The following CCSER1 variants were observed in gnomAD, a reference collection of about 807,000 sequenced individuals.
CCSER1 encodes serine-rich coiled-coil domain-containing protein 1.
Under a neutral mutation model 82.0 loss-of-function variants are expected in CCSER1, and 41 were observed. That is an observed-to-expected ratio of 0.50 (90% CI 0.39 to 0.65). The LOEUF is 0.65. Ranked by LOEUF, CCSER1 falls within the 30% of genes least tolerant of loss-of-function variation. The probability of loss-of-function intolerance (pLI) is 0.00; values close to 1 mark genes in which losing one functional copy is unlikely to be tolerated. For synonymous variants in CCSER1, 414 were observed against 383.9 expected (o/e 1.08, Z -0.92); for missense variants, 1,119 against 1,064.2 (o/e 1.05, Z -0.72).
chr4:90,354,385 G>A (rs1336149702), intron 3 of CCSER1, among the ~76,000 whole-genome samples: 3 of 152,052 alleles, frequency 2.0e-5, no homozygotes, highest in Non-Finnish European at 4.4e-5. Context: ...AACATGAGAT[G>A]AATATGTTCC....
intron 10 of CCSER1, among the ~76,000 whole-genome samples, chr4:91,103,141 A>G (rs1452279238): frequency 1.3e-5 from 2 of 152,174 alleles, no homozygotes; most frequent in African/African-American, 4.8e-5. Context: ...CAGCTTGGAA[A>G]TAGATCTCCA....
intron 10 of CCSER1, among the ~76,000 whole-genome samples, chr4:91,386,373 AGT>A (rs1417010006): frequency 6.6e-6 from 1 of 152,090 alleles, no homozygotes; most frequent in African/African-American, 2.4e-5. Context: ...AGAATTCATG[AGT>A]CTATATTAGT....
At chr4:91,325,080 T>G in intron 10 of CCSER1, 1 of 434,980 alleles carries the variant, frequency 2.3e-6, no homozygotes, top group South Asian at 1.6e-5. Flanking sequence ...GGGCCCTAAA[T>G]AGCTTGGGGC....
chr4:91,111,292 T>C (rs1337211270), intron 10 of CCSER1, among the ~76,000 whole-genome samples: 1 of 152,002 alleles, frequency 6.6e-6, no homozygotes, highest in Non-Finnish European at 1.5e-5. Context: ...CCCTTTTGAA[T>C]AAATAAGGCT....
chr4:90,166,866 T>C (rs1442668252), intron 1 of CCSER1, among the ~76,000 whole-genome samples: 1 of 152,030 alleles, frequency 6.6e-6, no homozygotes, highest in Non-Finnish European at 1.5e-5. Flanking sequence ...AATTTACCAG[T>C]ATTTAAATAA....
intron 9 of CCSER1, among the ~76,000 whole-genome samples, chr4:90,999,878 GGTTTT>G: frequency 2.2e-5 from 1 of 46,388 alleles, no homozygotes; most frequent in Non-Finnish European, 4.0e-5. Flanking sequence ...GTGTTTCTGA[GGTTTT>G]TTTTTTTTTT....
chr4:90,396,720 C>T (rs747560432), intron 3 of CCSER1, among the ~76,000 whole-genome samples: 8 of 151,994 alleles, frequency 5.3e-5, no homozygotes, highest in African/African-American at 1.9e-4. Context: ...TGAAAACAGC[C>T]ACTAATTTTT....
At chr4:91,277,859 A>G (rs905456803) in intron 10 of CCSER1, among the ~76,000 whole-genome samples, 3 of 151,808 alleles carry the variant, frequency 2.0e-5, no homozygotes, top group Non-Finnish European at 4.4e-5. Flanking sequence ...GCTGTATTCC[A>G]TAGGTTTTGA....
At chr4:91,594,401 A>C (rs950163758) in intron 10 of CCSER1, among the ~76,000 whole-genome samples, 1 of 141,334 alleles carries the variant, frequency 7.1e-6, no homozygotes, top group African/African-American at 2.6e-5. Context: ...ACATATATAC[A>C]CATATATACA....
At chr4:91,561,062 A>G (rs1762630107) in intron 10 of CCSER1, among the ~76,000 whole-genome samples, 1 of 151,370 alleles carries the variant, frequency 6.6e-6, no homozygotes, top group African/African-American at 2.4e-5. Flanking sequence ...TAAAATTCCA[A>G]GTCATCTCTC....
chr4:91,184,957 C>T (rs866966548), intron 10 of CCSER1, among the ~76,000 whole-genome samples: 2 of 152,190 alleles, frequency 1.3e-5, no homozygotes, highest in Non-Finnish European at 2.9e-5. Context: ...GGTTGTCCAT[C>T]GGGCCCTTCA....
intron 8 of CCSER1, among the ~76,000 whole-genome samples, chr4:90,854,463 T>A (rs1475250191): frequency 6.6e-6 from 1 of 152,164 alleles, no homozygotes; most frequent in Non-Finnish European, 1.5e-5. Flanking sequence ...CCTAAAGTCA[T>A]TTTTTGCATT....
At chr4:91,115,806 CTTTT>C (rs527629667) in intron 10 of CCSER1, among the ~76,000 whole-genome samples, 4 of 101,560 alleles carry the variant, frequency 3.9e-5, no homozygotes, top group Non-Finnish European at 7.6e-5. Context: ...CTAGCTTTTT[CTTTT>C]TTTTTTTTTT....
At chr4:91,419,967 T>C (rs1046174319) in intron 10 of CCSER1, among the ~76,000 whole-genome samples, 1 of 152,018 alleles carries the variant, frequency 6.6e-6, no homozygotes, top group Non-Finnish European at 1.5e-5. Context: ...GTTTCTTCAA[T>C]AACTAATCTT....
intron 3 of CCSER1, among the ~76,000 whole-genome samples, chr4:90,397,373 T>C (rs763260546): frequency 6.6e-6 from 1 of 152,204 alleles, no homozygotes; most frequent in Non-Finnish European, 1.5e-5. Flanking sequence ...AATATTTCCC[T>C]GTTCAAAAAA....
chr4:91,099,140 T>C (rs1724808775), intron 10 of CCSER1, among the ~76,000 whole-genome samples: 1 of 152,178 alleles, frequency 6.6e-6, no homozygotes, highest in Non-Finnish European at 1.5e-5. Flanking sequence ...TTCTTTATGG[T>C]CTAATATGCA....
chr4:91,089,662 A>G (rs924874011), intron 10 of CCSER1, among the ~76,000 whole-genome samples: 1 of 152,194 alleles, frequency 6.6e-6, no homozygotes, highest in African/African-American at 2.4e-5. Flanking sequence ...GAAGAAGTAC[A>G]GGTAGCAAAC....
intron 7 of CCSER1, among the ~76,000 whole-genome samples, chr4:90,814,384 T>TA (rs1489057626): frequency 5.3e-5 from 8 of 152,186 alleles, no homozygotes; most frequent in Admixed American, 5.2e-4. Context: ...GGAGACATTT[T>TA]CCCCATTGTC....
chr4:90,481,576 C>G (rs948471142), intron 5 of CCSER1, among the ~76,000 whole-genome samples: 2 of 152,048 alleles, frequency 1.3e-5, no homozygotes, highest in Admixed American at 1.3e-4. Context: ...GTTTTTAGCA[C>G]GAAGTGTTGT....
Sources: allele counts gnomAD v4.1 joint callset (sites outside exome capture counted in the v4.1 genomes callset), GRCh38; gene constraint gnomAD v4.1.1; transcripts MANE v1.5; gene names NCBI Gene and HGNC (gene_info 2026-07-23, HGNC 2026-07-21).